The following DCDC2C variants were observed in gnomAD, a reference collection of about 807,000 sequenced individuals.
DCDC2C encodes the protein doublecortin domain containing 2C.
Under a neutral mutation model 45.0 loss-of-function variants are expected in DCDC2C, and 44 were observed. The ratio of observed to expected loss-of-function variants is 0.98; its 90% CI spans 0.77 to 1.26. The LOEUF (loss-of-function observed/expected upper bound fraction) is 1.26, where lower values mean the gene tolerates loss of function less well. Ranked by LOEUF, DCDC2C falls within the 50% of genes most tolerant of loss-of-function variation. The pLI is 0.00. For synonymous variants in DCDC2C, 187 were observed against 178.8 expected (o/e 1.05, Z -0.37); for missense variants, 447 against 468.9 (o/e 0.95, Z 0.43).
At chr2:3,742,405 A>G (rs905603712) in intron 4 of DCDC2C, among the ~76,000 whole-genome samples, 3 of 152,164 alleles carry the variant, frequency 2.0e-5, no homozygotes, top group Non-Finnish European at 2.9e-5. Flanking sequence ...TGGAGGAGCC[A>G]GGCCTGGGGG....
At chr2:3,790,093 A>C (rs762171746) in intron 10 of DCDC2C, among the ~76,000 whole-genome samples, 5 of 152,214 alleles carry the variant, frequency 3.3e-5, no homozygotes, top group Non-Finnish European at 5.9e-5. Flanking sequence ...AGACTGACGA[A>C]GGGTCTTGAA....
At chr2:3,830,625 C>T (rs1055771500) in intron 10 of DCDC2C, among the ~76,000 whole-genome samples, 2 of 152,176 alleles carry the variant, frequency 1.3e-5, no homozygotes, top group Non-Finnish European at 2.9e-5. Flanking sequence ...GGAAGCTGCA[C>T]CCCGTAGTCG....
chr2:3,786,923 A>G (rs540266699), intron 10 of DCDC2C, among the ~76,000 whole-genome samples: 1 of 152,368 alleles, frequency 6.6e-6, no homozygotes, highest in African/African-American at 2.4e-5. Flanking sequence ...AGTATAACAT[A>G]TCTATGTTTA....
At chr2:3,723,836 G>C (rs1668561413) in intron 2 of DCDC2C, among the ~76,000 whole-genome samples, 1 of 152,082 alleles carries the variant, frequency 6.6e-6, no homozygotes, top group South Asian at 2.1e-4. Context: ...GGCCGGGGTG[G>C]CACCATTTTC....
chr2:3,793,861 G>A (rs991847893), intron 10 of DCDC2C, among the ~76,000 whole-genome samples: 3 of 152,128 alleles, frequency 2.0e-5, no homozygotes. Context: ...GGGCAAGGGG[G>A]CTTGAAGCAT....
chr2:3,828,946 T>G (rs983945613), intron 10 of DCDC2C, among the ~76,000 whole-genome samples: 3 of 152,194 alleles, frequency 2.0e-5, no homozygotes, highest in Non-Finnish European at 2.9e-5. Flanking sequence ...GAAGTTATTT[T>G]TGTTTGTTTT....
At position 3,785,096 on chromosome 2, in the gene DCDC2C, G is replaced by A; in HGVS notation, c.1061G>A (p.Arg354Lys). 1 of 1,231,760 alleles carries A rather than the reference G, an allele frequency of 8.1e-7. No individual in the cohort carries two copies. Among genetic ancestry groups the A allele is most frequent in the Non-Finnish European group, 1.0e-6 (1 of 987,978 alleles). 76.3% of individuals were successfully genotyped at this position (1,231,760 alleles called of 1,614,324 possible). Residue 354 changes from arginine to lysine, a missense_variant, in exon 10 of 11, where the codon AGA (arginine) becomes AAA (lysine). Arg to Lys is a conservative substitution (Grantham distance 26). Coordinates refer to ENST00000399143, the MANE Select transcript of DCDC2C (RefSeq NM_001287444.2). Reference sequence around the variant, plus strand: ...GCAAGGCTTTGTGAAGACGTTGAAAGAAAGGTTTGTATCAACAACAAATGC... The same window carrying A: ...GCAAGGCTTTGTGAAGACGTTGAAAAAAAGGTTTGTATCAACAACAAATGC... The part of the protein sequence containing the change: ...EDARLCEDVE[R>K]KMAREWKPVD
intron 6 of DCDC2C, among the ~76,000 whole-genome samples, chr2:3,763,054 A>C (rs1040811572): frequency 1.3e-5 from 2 of 152,038 alleles, no homozygotes; most frequent in East Asian, 3.9e-4. Flanking sequence ...ATGTCTGTAC[A>C]CTGCCCACTG....
chr2:3,798,987 C>T (rs1462179553), intron 10 of DCDC2C, among the ~76,000 whole-genome samples: 1 of 152,204 alleles, frequency 6.6e-6, no homozygotes, highest in Non-Finnish European at 1.5e-5. Context: ...GTTCCATTCT[C>T]CCCATCACTT....
At chr2:3,778,317 A>G (rs1670408002) in intron 8 of DCDC2C, among the ~76,000 whole-genome samples, 2 of 152,230 alleles carry the variant, frequency 1.3e-5, no homozygotes. Context: ...TTCTTTGGTC[A>G]CAGAACCACA....
intron 10 of DCDC2C, among the ~76,000 whole-genome samples, chr2:3,815,097 A>G (rs1671520980): frequency 6.6e-6 from 1 of 152,234 alleles, no homozygotes; most frequent in African/African-American, 2.4e-5. Flanking sequence ...AGCAGATTCC[A>G]GCTGAGAGGC....
At chr2:3,789,919 G>A (rs1313688005) in intron 10 of DCDC2C, among the ~76,000 whole-genome samples, 2 of 152,248 alleles carry the variant, frequency 1.3e-5, no homozygotes, top group Admixed American at 6.5e-5. Flanking sequence ...AGTGGTTATA[G>A]AACAGGAGTT....
chr2:3,807,211 C>T (rs1386529861), intron 10 of DCDC2C, among the ~76,000 whole-genome samples: 2 of 152,150 alleles, frequency 1.3e-5, no homozygotes, highest in African/African-American at 2.4e-5. Context: ...TTGGGCATCT[C>T]AGCCTTTCTG....
chr2:3,808,255 AT>A (rs1251227997), intron 10 of DCDC2C, among the ~76,000 whole-genome samples: 1 of 152,044 alleles, frequency 6.6e-6, no homozygotes, highest in Non-Finnish European at 1.5e-5. Context: ...TTCATTTGTG[AT>A]TTTACTTTGC....
chr2:3,762,982 G>C (rs542678099), intron 6 of DCDC2C, among the ~76,000 whole-genome samples: 1 of 152,098 alleles, frequency 6.6e-6, no homozygotes, highest in South Asian at 2.1e-4. Flanking sequence ...CTGAATGTTG[G>C]GGGAGGGTGG....
intron 9 of DCDC2C, among the ~76,000 whole-genome samples, chr2:3,780,400 G>A (rs1670478264): frequency 6.6e-6 from 1 of 152,164 alleles, no homozygotes; most frequent in Non-Finnish European, 1.5e-5. Flanking sequence ...GACTTGTTAC[G>A]GAAATCTACT....
chr2:3,709,582 G>A (rs1319880307), intron 2 of DCDC2C, among the ~76,000 whole-genome samples: 3 of 152,224 alleles, frequency 2.0e-5, no homozygotes, highest in Non-Finnish European at 4.4e-5. Context: ...TGCCAAGGAC[G>A]AGAGGGCAAG....
intron 10 of DCDC2C, among the ~76,000 whole-genome samples, chr2:3,794,554 C>A (rs1670907916): frequency 6.6e-6 from 1 of 152,102 alleles, no homozygotes; most frequent in South Asian, 2.1e-4. Context: ...TATGATGTTC[C>A]CCTTCCTGTG....
At chr2:3,768,419 C>T (rs1022738941) in intron 7 of DCDC2C, among the ~76,000 whole-genome samples, 27 of 152,210 alleles carry the variant, frequency 1.8e-4, no homozygotes, top group African/African-American at 3.6e-4. Flanking sequence ...CATGTCCCGT[C>T]TCATGTATGG....
Sources: gnomAD v4.1 joint callset for allele counts (sites outside exome capture counted in the v4.1 genomes callset) on GRCh38, gnomAD v4.1.1 for gene constraint, MANE v1.5 for transcripts, NCBI Gene and HGNC (gene_info 2026-07-23, HGNC 2026-07-21) for gene names.